The following GLIS3 variants were observed in gnomAD, a reference collection of about 807,000 sequenced individuals.
GLIS3 encodes the protein zinc finger protein GLIS3.
GLIS3 carries 53 observed loss-of-function variants against 78.6 expected under a neutral mutation model. The observed-to-expected ratio is 0.67, with a 90% confidence interval of 0.54 to 0.85. GLIS3 has a LOEUF of 0.85. GLIS3 is among the 40% of genes least tolerant of loss of function. The pLI is 0.00. For missense variants in GLIS3, 1,703 were observed against 1,231.1 expected, an observed-to-expected ratio of 1.38 and a Z score of -5.74; for synonymous variants, 684 against 509.9, an observed-to-expected ratio of 1.34 and a Z score of -4.60.
At chr9:3,956,028 C>CAAAA (rs5896037) in intron 4 of GLIS3, among the ~76,000 whole-genome samples, 414 of 85,818 alleles carry the variant, frequency 4.8e-3, no homozygotes, top group African/African-American at 7.3e-3. Flanking sequence ...CCAGATTCAG[C>CAAAA]AAAAAAAAAA....
the GLIS3 span, among the ~76,000 whole-genome samples, chr9:4,355,343 G>C: frequency 6.6e-6 from 1 of 152,130 alleles, no homozygotes; most frequent in East Asian, 1.9e-4. Context: ...TGTAAGGCAG[G>C]GCTCATTTAG....
the GLIS3 span, among the ~76,000 whole-genome samples, chr9:4,455,973 G>C: frequency 1.3e-5 from 2 of 152,086 alleles, no homozygotes; most frequent in Non-Finnish European, 2.9e-5. Flanking sequence ...AATTAGCCGG[G>C]TGTGGTGTTG....
chr9:4,307,016 A>C (rs902995958), intron 4 of GLIS3, among the ~76,000 whole-genome samples: 1 of 152,238 alleles, frequency 6.6e-6, no homozygotes, highest in African/African-American at 2.4e-5. Context: ...ATTAAGGAGA[A>C]AGTGAAGGTG....
chr9:4,189,971 T>A (rs533129583), intron 2 of GLIS3, among the ~76,000 whole-genome samples: 1 of 151,026 alleles, frequency 6.6e-6, no homozygotes, highest in East Asian at 1.9e-4. Context: ...CAGCTGAGGG[T>A]CCTGTCTGTT....
At chr9:4,412,837 C>A in the GLIS3 span, among the ~76,000 whole-genome samples, 17 of 152,154 alleles carry the variant, frequency 1.1e-4, no homozygotes, top group African/African-American at 4.1e-4. Flanking sequence ...ACCAAATGAA[C>A]CATCCCTATC....
chr9:4,154,803 C>A (rs1834931052), intron 2 of GLIS3, among the ~76,000 whole-genome samples: 1 of 152,096 alleles, frequency 6.6e-6, no homozygotes, highest in Admixed American at 6.5e-5. Context: ...ACCAAATAAT[C>A]TACCCTATGG....
chr9:4,418,456 G>T, the GLIS3 span, among the ~76,000 whole-genome samples: 2 of 152,170 alleles, frequency 1.3e-5, no homozygotes, highest in South Asian at 4.1e-4. Context: ...GTAAGAATTT[G>T]CAAAGACTAG....
At chr9:4,037,583 C>CACACAG (rs1491565390) in intron 4 of GLIS3, among the ~76,000 whole-genome samples, 52 of 144,156 alleles carry the variant, frequency 3.6e-4, no homozygotes, top group African/African-American at 1.2e-3. Flanking sequence ...CACACACACA[C>CACACAG]AGAGACAATA....
At chr9:4,141,010 G>C (rs564580100) in intron 2 of GLIS3, among the ~76,000 whole-genome samples, 21 of 152,266 alleles carry the variant, frequency 1.4e-4, no homozygotes, top group African/African-American at 4.6e-4. Flanking sequence ...ATGTTGGACA[G>C]GCTGGTCTCG....
intron 2 of GLIS3, among the ~76,000 whole-genome samples, chr9:4,248,694 C>T (rs946063881): frequency 7.9e-5 from 12 of 152,178 alleles, no homozygotes; most frequent in African/African-American, 2.9e-4. Context: ...AACTAATTTA[C>T]ACTCCCACCA....
chr9:3,846,683 A>C (rs754764274), intron 9 of GLIS3, among the ~76,000 whole-genome samples: 2 of 152,212 alleles, frequency 1.3e-5, no homozygotes, highest in Non-Finnish European at 2.9e-5. Context: ...AATTCCTCAC[A>C]ATCCCTCTTC....
chr9:4,341,176 G>A (rs1252286423), intron 2 of GLIS3, among the ~76,000 whole-genome samples: 1 of 152,158 alleles, frequency 6.6e-6, no homozygotes, highest in Non-Finnish European at 1.5e-5. Flanking sequence ...ACAGGCTTGT[G>A]CAATACTCTC....
At chr9:4,249,602 CTCTT>C (rs998186201) in intron 2 of GLIS3, among the ~76,000 whole-genome samples, 18 of 152,284 alleles carry the variant, frequency 1.2e-4, no homozygotes, top group East Asian at 1.9e-4. Flanking sequence ...TATTTGAACA[CTCTT>C]TCTTTCTTTC....
intron 4 of GLIS3, among the ~76,000 whole-genome samples, chr9:3,990,439 T>C (rs1194183876): frequency 6.6e-6 from 1 of 152,182 alleles, no homozygotes; most frequent in Non-Finnish European, 1.5e-5. Flanking sequence ...TGGCTCATGA[T>C]GGAAAGAAAA....
chr9:4,167,229 C>G (rs1310773709), intron 2 of GLIS3, among the ~76,000 whole-genome samples: 3 of 151,674 alleles, frequency 2.0e-5, no homozygotes, highest in Admixed American at 2.0e-4. Flanking sequence ...AGTACAGATT[C>G]CATAGAAGTA....
chr9:4,210,852 G>C (rs1424853126), intron 2 of GLIS3, among the ~76,000 whole-genome samples: 1 of 152,082 alleles, frequency 6.6e-6, no homozygotes, highest in East Asian at 1.9e-4. Context: ...CCCCCAACTT[G>C]GAATGTCTGC....
At chr9:3,985,201 G>A (rs943104379) in intron 4 of GLIS3, among the ~76,000 whole-genome samples, 2 of 152,052 alleles carry the variant, frequency 1.3e-5, no homozygotes, top group Non-Finnish European at 2.9e-5. Flanking sequence ...CTGGAGTGCA[G>A]TAAAGAGCTT....
chr9:4,145,344 A>G (rs982978737), intron 2 of GLIS3, among the ~76,000 whole-genome samples: 1 of 152,220 alleles, frequency 6.6e-6, no homozygotes, highest in African/African-American at 2.4e-5. Context: ...ACGCTGGTAA[A>G]TGAAAAACTA....
the GLIS3 span, among the ~76,000 whole-genome samples, chr9:4,481,511 C>T: frequency 5.3e-5 from 6 of 113,924 alleles, no homozygotes; most frequent in Admixed American, 3.5e-4. Context: ...TAATTAAAAA[C>T]ATAAGTGTGT....
Sources: allele counts gnomAD v4.1 joint callset (sites outside exome capture counted in the v4.1 genomes callset), GRCh38; gene constraint gnomAD v4.1.1; transcripts MANE v1.5; gene names NCBI Gene and HGNC (gene_info 2026-07-23, HGNC 2026-07-21).